Variants in RSPRY1 observed in about 807,000 individuals in gnomAD.
The protein encoded by RSPRY1 is RING finger and SPRY domain-containing protein 1.
A neutral mutation model predicts 73.1 loss-of-function variants in RSPRY1; 23 were observed. That is an observed-to-expected ratio of 0.31 (90% CI 0.23 to 0.45). The LOEUF (loss-of-function observed/expected upper bound fraction) is 0.45, where lower values mean the gene tolerates loss of function less well. RSPRY1 is among the 20% of genes least tolerant of loss of function. The pLI is 1.00. For synonymous variants in RSPRY1, 226 were observed against 251.4 expected, an observed-to-expected ratio of 0.90 and a Z score of 0.95; for missense variants, 448 against 698.7, an observed-to-expected ratio of 0.64 and a Z score of 4.05.
intron 12 of RSPRY1, 25 bp downstream of exon 12, chr16:57,230,838 A>C: frequency 3.0e-6 from 4 of 1,313,004 alleles, no homozygotes; most frequent in Non-Finnish European, 4.4e-6. Context: ...TCAGTCAAAA[A>C]TTCGAGTAGA....
Position 57,209,126 on chromosome 16 carries a change from AAG to A in RSPRY1, c.457_458del (p.Asp153SerfsTer13), listed in dbSNP as rs781319159. On this transcript the variant is annotated frameshift_variant, in exon 4 of 15. Transcript: ENST00000394420. LOFTEE classifies it high-confidence loss of function. ...TCTTTAATTAGAGTTATTCCACTGG[AAG>A]ATCCACTGGGACCAGCTGTTATAAC... is the stretch of plus-strand genomic sequence containing the variant. The A allele has an allele frequency of 6.2e-7, 1 of 1,613,644 alleles. No individual in the cohort carries two copies. The highest frequency in any genetic ancestry group is 8.5e-7 in the Non-Finnish European group (1 of 1,179,694).
In RSPRY1 at chr16:57,230,809, A is replaced by G. The variant is rs757240879; in HGVS notation, c.1372A>G (p.Thr458Ala). 3 of 1,582,732 alleles carry G rather than the reference A, an allele frequency of 1.9e-6. No individual in the cohort carries two copies. Among genetic ancestry groups the G allele is most frequent in the Non-Finnish European group, 2.6e-6 (3 of 1,152,816 alleles). Residue 458 changes from threonine (T) to alanine (A), a missense_variant, in exon 12 of 15, where the codon ACT becomes GCT. By Grantham distance (58) the Thr-to-Ala change is moderately conservative. Coordinates refer to ENST00000394420, the MANE Select transcript of RSPRY1 (RefSeq NM_133368.3). ...TCCTGAAAAGCAAGTCTTTTCATCTACTGTGTAAGTAGCTCTTCTCAGTCA... is the reference window on the plus strand; with the variant it reads ...TCCTGAAAAGCAAGTCTTTTCATCTGCTGTGTAAGTAGCTCTTCTCAGTCA... ...LPPEKQVFSS[T>A]VSGFFAAASF...
rs1241527428 is a variant in RSPRY1 at position 57,232,778 on chromosome 16, G to C, written c.1529+1459G>C. Among the ~76,000 whole-genome samples, 3 of 152,050 alleles carry C rather than the reference G, an allele frequency of 2.0e-5. No individual in the cohort carries two copies. In the South Asian group the frequency reaches 6.2e-4, roughly 31 times the overall value. ...ATGGGCAGCTTATACATACTCTCTT[G>C]GTAACCATGTATATAAATTTGGTAC... On this transcript the variant is annotated intron_variant, in intron 13 of 14. Coordinates refer to ENST00000394420, the MANE Select transcript of RSPRY1 (RefSeq NM_133368.3).
chr16:57,231,862 C>T (rs1423817574), intron 13 of RSPRY1, among the ~76,000 whole-genome samples: 1 of 152,150 alleles, frequency 6.6e-6, no homozygotes. Flanking sequence ...TACCATCTTG[C>T]ATAAAATTTT....
At chr16:57,189,133 A>G (rs1287083985) in intron 1 of RSPRY1, among the ~76,000 whole-genome samples, 2 of 151,736 alleles carry the variant, frequency 1.3e-5, no homozygotes, top group South Asian at 4.2e-4. Context: ...AACTGGGATT[A>G]CAGGCAAGCA....
At chr16:57,189,448 G>A (rs2074311960) in intron 1 of RSPRY1, among the ~76,000 whole-genome samples, 1 of 151,348 alleles carries the variant, frequency 6.6e-6, no homozygotes, top group Non-Finnish European at 1.5e-5. Flanking sequence ...TTAATCTGTA[G>A]TGAATCAGGT....
At position 57,204,694 on chromosome 16, in the gene RSPRY1, C is replaced by T. The variant is rs369029132; in HGVS notation, c.36C>T (p.Ser12=). 15 of 1,614,020 alleles carry T rather than the reference C, an allele frequency of 9.3e-6. No homozygotes were observed. Among genetic ancestry groups the T allele is most frequent in the African/African-American group, 1.3e-5 (1 of 74,918 alleles). The change falls in exon 2 of 15, where the codon AGC becomes AGT. Residue 12 remains serine (S), a synonymous_variant. Coordinates refer to ENST00000394420, the MANE Select transcript of RSPRY1 (RefSeq NM_133368.3). ...IVFGWAVFLA[S]RSLGQGLLLT... ...TTGGTTGGGCCGTGTTCTTAGCGAGCAGAAGCCTTGGCCAGGGTCTGTTGT... is the reference window on the plus strand; with the variant it reads ...TTGGTTGGGCCGTGTTCTTAGCGAGTAGAAGCCTTGGCCAGGGTCTGTTGT...
chr16:57,229,768 C>T (rs183281531), intron 11 of RSPRY1, among the ~76,000 whole-genome samples: 205 of 109,532 alleles, frequency 1.9e-3, no homozygotes, highest in African/African-American at 6.3e-3. Context: ...TGCAGTGGCG[C>T]GATCTCAGCT....
In RSPRY1 at chr16:57,195,932, G is replaced by A. The variant is rs147502260; in HGVS notation, c.-155-8572G>A. Among the ~76,000 whole-genome samples, 395 of 149,692 alleles carry A rather than the reference G, an allele frequency of 2.6e-3. 2 individuals are homozygous for A. The highest frequency in any genetic ancestry group is 9.0e-3 in the African/African-American group (364 of 40,540). ...GGCTACTCGGGAGGCTGAGGTAGGC[G>A]AATCACTTGAACCCAGGAGATAGAG... On this transcript the variant is annotated intron_variant, in intron 1 of 14. Coordinates refer to ENST00000394420, the MANE Select transcript of RSPRY1 (RefSeq NM_133368.3).
chr16:57,240,452 A>G lies in RSPRY1; in HGVS notation c.*1477A>G, dbSNP rs2075361308. 1 of 152,124 alleles carries G rather than the reference A, an allele frequency of 6.6e-6. No homozygotes were observed. 9.4% of individuals were successfully genotyped at this position (152,124 alleles called of 1,614,324 possible). A position where few individuals can be genotyped will look rare whatever the true frequency, so the allele number is the denominator to read the frequency against. The stretch of plus-strand genomic sequence containing the variant: ...AGTAATTTGCATTGAAGAATAAAAC[A>G]TCTGTTGCCTTTTTTGACTAAGATT... On this transcript the variant is annotated 3_prime_UTR_variant, in exon 15 of 15. Coordinates refer to ENST00000394420, the MANE Select transcript of RSPRY1 (RefSeq NM_133368.3).
In RSPRY1 at chr16:57,236,768, T is replaced by C. The variant is rs2075305693; in HGVS notation, c.1634+1540T>C. ...ACTCATAAAAAGAAAAAACTATTTTTTTATGAATATAAATCTAAAACTCCC... is the reference window on the plus strand; with the variant it reads ...ACTCATAAAAAGAAAAAACTATTTTCTTATGAATATAAATCTAAAACTCCC... On this transcript the variant is annotated intron_variant, in intron 14 of 14. Transcript: ENST00000394420. 8.5e-5 allele frequency among the ~76,000 whole-genome samples: 13 copies of C among 152,200 alleles called. 1 individual carries two copies. In the South Asian group the frequency reaches 2.7e-3, roughly 32 times the overall value.
At position 57,221,433 on chromosome 16, in the gene RSPRY1, C is replaced by G. The variant is rs990739620; in HGVS notation, c.1161+18C>G. The G allele has an allele frequency of 4.4e-6, 7 of 1,592,794 alleles. No individual in the cohort carries two copies. The highest frequency in any genetic ancestry group is 6.0e-6 in the Non-Finnish European group (7 of 1,169,736). ...TCAATCATGTGAGTACCCTAGAGAA[C>G]TGTGAAAATGGGAGCAGTGGCAGTT... is the stretch of plus-strand genomic sequence containing the variant. On this transcript the variant is annotated intron_variant, in intron 10 of 14. Coordinates refer to ENST00000394420, the MANE Select transcript of RSPRY1 (RefSeq NM_133368.3).
In RSPRY1 at chr16:57,214,069, T is replaced by G. The variant is rs138413108; in HGVS notation, c.702+123T>G. 1.6e-3 allele frequency: 1,081 copies of G among 693,876 alleles called. 9 individuals are homozygous for G. The African/African-American group carries it at 0.018, about 12-fold the overall frequency. 43.0% of individuals were successfully genotyped at this position (693,876 alleles called of 1,614,324 possible). A position where few individuals can be genotyped will look rare whatever the true frequency, so the allele number is the denominator to read the frequency against. Reference sequence around the variant, plus strand: ...CAGAGAATGGAATCAATTGTAAATTTTATTTGCAGGTGTTTCCCGAGTGCT... The same window carrying G: ...CAGAGAATGGAATCAATTGTAAATTGTATTTGCAGGTGTTTCCCGAGTGCT... On this transcript the variant is annotated intron_variant, in intron 6 of 14. Transcript: ENST00000394420.
intron 1 of RSPRY1, among the ~76,000 whole-genome samples, chr16:57,199,230 G>C (rs2074511455): frequency 6.6e-6 from 1 of 152,276 alleles, no homozygotes. Flanking sequence ...CGCGGCGGTT[G>C]ATGCCTGTAA....
Position 57,240,339 on chromosome 16 carries a change from C to CCACA in RSPRY1, c.*1381_*1384dup, listed in dbSNP as rs149867827. The CCACA allele has an allele frequency of 1.0e-4, 15 of 147,562 alleles. No homozygotes were observed. Among genetic ancestry groups the CCACA allele is most frequent in the Middle Eastern group, 3.5e-3 (1 of 286 alleles). 9.1% of individuals were successfully genotyped at this position (147,562 alleles called of 1,614,324 possible). On this transcript the variant is annotated 3_prime_UTR_variant, in exon 15 of 15. Coordinates refer to ENST00000394420, the MANE Select transcript of RSPRY1 (RefSeq NM_133368.3). ...TCCGTGTCTTTAGTCTTCCATAAAT[C>CCACA]CACACACACACACACACACAAAAAA...
intron 11 of RSPRY1, among the ~76,000 whole-genome samples, chr16:57,228,221 C>T (rs111399318): frequency 1.5e-4 from 22 of 148,872 alleles, no homozygotes; most frequent in African/African-American, 5.0e-4. Flanking sequence ...TGCAATGAGC[C>T]GAGGTTGCGC....
intron 14 of RSPRY1, 21 bp from the exon 15 acceptor site, chr16:57,238,858 C>G: frequency 2.0e-6 from 3 of 1,479,324 alleles, no homozygotes; most frequent in Non-Finnish European, 2.7e-6. Flanking sequence ...ACTTGACTGA[C>G]TTTTCTGTGT....
chr16:57,196,595 A>T (rs1246535297), intron 1 of RSPRY1, among the ~76,000 whole-genome samples: 2 of 152,198 alleles, frequency 1.3e-5, no homozygotes, highest in Non-Finnish European at 2.9e-5. Flanking sequence ...AAGTGATTCT[A>T]ATGCCGTCTA....
At chr16:57,186,314 C>T (rs1343113091), upstream of RSPRY1, 1 of 278,024 alleles carries the variant, frequency 3.6e-6, no homozygotes, top group Non-Finnish European at 5.5e-6. Context: ...TGGGGCGGTA[C>T]GAAGCGGGGG....
Sources: allele counts gnomAD v4.1 joint callset (sites outside exome capture counted in the v4.1 genomes callset), GRCh38; gene constraint gnomAD v4.1.1; transcripts MANE v1.5; gene names NCBI Gene and HGNC (gene_info 2026-07-23, HGNC 2026-07-21).